RARB: variants seen among roughly 807,000 people sequenced by gnomAD.
RARB encodes the protein HBV-activated protein.
In RARB, 17 loss-of-function variants were observed where a neutral mutation model predicts 51.9. That is an observed-to-expected ratio of 0.33 (90% CI 0.22 to 0.49). The LOEUF (loss-of-function observed/expected upper bound fraction) is 0.49. Ranked by LOEUF, RARB falls within the 20% of genes least tolerant of loss-of-function variation. RARB has a pLI of 0.99. For synonymous variants in RARB, 215 were observed against 195.4 expected, an observed-to-expected ratio of 1.10 and a Z score of -0.84; for missense variants, 369 against 550.8, an observed-to-expected ratio of 0.67 and a Z score of 3.30.
At chr3:25,507,730 A>G (rs1697682691) in intron 3 of RARB, among the ~76,000 whole-genome samples, 1 of 152,146 alleles carries the variant, frequency 6.6e-6, no homozygotes, top group African/African-American at 2.4e-5. Context: ...GGGTCCAGGG[A>G]TAGGGGAGAC....
At chr3:25,499,773 C>T (rs373255032) in intron 2 of RARB, among the ~76,000 whole-genome samples, 5 of 151,808 alleles carry the variant, frequency 3.3e-5, no homozygotes, top group South Asian at 2.1e-4. Flanking sequence ...AGATAGAAAA[C>T]GAGAGAGAAA....
intron 5 of RARB, among the ~76,000 whole-genome samples, chr3:25,213,642 T>A (rs966615281): frequency 6.6e-6 from 1 of 152,186 alleles, no homozygotes; most frequent in Admixed American, 6.5e-5. Context: ...CTGAACAATT[T>A]CCTTAAGCCC....
At chr3:25,322,973 G>T (rs1704613851) in intron 5 of RARB, among the ~76,000 whole-genome samples, 1 of 152,148 alleles carries the variant, frequency 6.6e-6, no homozygotes, top group African/African-American at 2.4e-5. Context: ...CACTCAGCTG[G>T]TCCAGTTTGT....
At chr3:25,010,396 C>A (rs1697369066) in intron 2 of RARB, among the ~76,000 whole-genome samples, 2 of 152,000 alleles carry the variant, frequency 1.3e-5, no homozygotes, top group Admixed American at 6.6e-5. Context: ...ATTGAAAAAA[C>A]CATTTGTGTA....
intron 3 of RARB, among the ~76,000 whole-genome samples, chr3:25,522,299 G>A (rs17016628): frequency 0.03 from 4,585 of 152,090 alleles, 219 homozygotes; most frequent in African/African-American, 0.1. Context: ...AGTAAACTGC[G>A]GTTGGGAAGA....
intron 2 of RARB, among the ~76,000 whole-genome samples, chr3:25,055,673 G>A (rs1698424828): frequency 6.6e-6 from 1 of 152,024 alleles, no homozygotes; most frequent in East Asian, 1.9e-4. Context: ...ACTAGAAAGA[G>A]GAGGCCAATA....
chr3:24,909,970 C>T (rs1027899783), intron 2 of RARB, among the ~76,000 whole-genome samples: 44 of 151,984 alleles, frequency 2.9e-4, no homozygotes, highest in African/African-American at 1.0e-3. Context: ...ACATTTATGC[C>T]GCAAAATTGA....
chr3:25,154,764 G>T (rs545869103), intron 4 of RARB, among the ~76,000 whole-genome samples: 1 of 152,304 alleles, frequency 6.6e-6, no homozygotes, highest in Non-Finnish European at 1.5e-5. Context: ...CCCTTGCCCA[G>T]TTCAGTTGTC....
chr3:25,435,648 CAT>C (rs916517386), intron 1 of RARB, among the ~76,000 whole-genome samples: 2 of 152,172 alleles, frequency 1.3e-5, no homozygotes, highest in African/African-American at 2.4e-5. Context: ...TAAAGGCAAA[CAT>C]AATTATTTCA....
intron 5 of RARB, among the ~76,000 whole-genome samples, chr3:25,315,087 T>G (rs939558749): frequency 5.9e-5 from 9 of 152,224 alleles, no homozygotes; most frequent in African/African-American, 2.2e-4. Context: ...GTACCACATT[T>G]TCTTTATCCA....
intron 5 of RARB, among the ~76,000 whole-genome samples, chr3:25,388,555 T>C (rs1706859378): frequency 6.6e-6 from 1 of 152,238 alleles, no homozygotes; most frequent in Admixed American, 6.5e-5. Context: ...GTTTTCAACA[T>C]GAAACAAAGA....
At chr3:25,218,893 G>A (rs998302653) in intron 5 of RARB, among the ~76,000 whole-genome samples, 14 of 152,046 alleles carry the variant, frequency 9.2e-5, no homozygotes, top group African/African-American at 2.7e-4. Context: ...CCCCACCCTG[G>A]GCTTCCATTT....
intron 3 of RARB, among the ~76,000 whole-genome samples, chr3:25,526,288 A>G (rs1698643240): frequency 6.6e-6 from 1 of 152,224 alleles, no homozygotes; most frequent in Non-Finnish European, 1.5e-5. Context: ...GTCATTGAAG[A>G]GGAAGCCAAA....
rs566557450 is a variant in RARB, at chr3:25,053,311, A to G, written c.-379-6814A>G. On this transcript the variant is annotated intron_variant, in intron 2 of 11. Transcript: ENST00000383772. ...CAACTTCCAGCCTCTGCCTTGTATCATACATGGTCACCTACCTGTCTTTTT... is the reference window on the plus strand; with the variant it reads ...CAACTTCCAGCCTCTGCCTTGTATCGTACATGGTCACCTACCTGTCTTTTT... Among the ~76,000 whole-genome samples, 37 of 152,280 alleles carry G rather than the reference A, an allele frequency of 2.4e-4. No individual in the cohort carries two copies. In the East Asian group the frequency reaches 6.9e-3, roughly 29 times the overall value.
intron 5 of RARB, among the ~76,000 whole-genome samples, chr3:25,258,800 C>T (rs1702928804): frequency 6.6e-6 from 1 of 152,026 alleles, no homozygotes; most frequent in African/African-American, 2.4e-5. Context: ...CAAAAGACAC[C>T]AAACAGGAGC....
chr3:25,038,390 G>T (rs570552682), intron 2 of RARB, among the ~76,000 whole-genome samples: 1 of 152,148 alleles, frequency 6.6e-6, no homozygotes, highest in African/African-American at 2.4e-5. Flanking sequence ...TAAAGTCTGG[G>T]GGAATGAGTA....
intron 1 of RARB, among the ~76,000 whole-genome samples, chr3:25,456,554 ATT>A (rs35056259): frequency 5.7e-4 from 25 of 44,120 alleles, no homozygotes; most frequent in African/African-American, 2.2e-3. Flanking sequence ...TATACCACTG[ATT>A]TTTTTTTTTT....
At chr3:25,089,683 C>T (rs1699163349) in intron 3 of RARB, among the ~76,000 whole-genome samples, 1 of 152,024 alleles carries the variant, frequency 6.6e-6, no homozygotes, top group Admixed American at 6.6e-5. Flanking sequence ...GTTGTTTTAT[C>T]TCAGTGAGGT....
intron 5 of RARB, among the ~76,000 whole-genome samples, chr3:25,350,228 G>A (rs1023929778): frequency 6.6e-6 from 1 of 152,148 alleles, no homozygotes; most frequent in Non-Finnish European, 1.5e-5. Flanking sequence ...ACACCAGCAA[G>A]TGTGGGTCTT....
Sources: allele counts gnomAD v4.1 joint callset (sites outside exome capture counted in the v4.1 genomes callset), GRCh38; gene constraint gnomAD v4.1.1; transcripts MANE v1.5; gene names NCBI Gene and HGNC (gene_info 2026-07-23, HGNC 2026-07-21).